RERE: variants seen among roughly 807,000 people sequenced by gnomAD.
RERE encodes the protein arginine-glutamic acid dipeptide repeats protein.
A neutral mutation model predicts 146.1 loss-of-function variants in RERE; 40 were observed. The ratio of observed to expected loss-of-function variants is 0.27; its 90% CI spans 0.21 to 0.36. RERE has a LOEUF of 0.36. RERE is among the 10% of genes least tolerant of loss of function. The probability of loss-of-function intolerance (pLI) is 1.00; values close to 1 mark genes in which losing one functional copy is unlikely to be tolerated. For synonymous variants in RERE, 1,003 were observed against 866.0 expected (o/e 1.16, Z -2.78); for missense variants, 1,933 against 2,138.7 (o/e 0.90, Z 1.90).
At chr1:8,578,863 T>C (rs562393917) in intron 4 of RERE, among the ~76,000 whole-genome samples, 50 of 152,220 alleles carry the variant, frequency 3.3e-4, no homozygotes, top group Non-Finnish European at 6.5e-4. Flanking sequence ...AAAGATCCTT[T>C]ATATGAAAAA....
chr1:8,522,732 G>A (rs1645517785), intron 7 of RERE, among the ~76,000 whole-genome samples: 1 of 152,116 alleles, frequency 6.6e-6, no homozygotes, highest in Non-Finnish European at 1.5e-5. Context: ...AATTAGCCAG[G>A]CATGGTGGCA....
Position 8,360,205 on chromosome 1 carries a change from G to A in RERE, c.3302C>T (p.Ala1101Val), listed in dbSNP as rs772738275. Residue 1101 changes from alanine to valine, a missense_variant, in exon 18 of 23, where the codon GCT becomes GTT. Coordinates refer to ENST00000400908, the MANE Select transcript of RERE (RefSeq NM_001042681.2). ...GGGAGGGGGGCTCTCAGGCTCCTCAGCGTCGTCCAGAGCCTCCTCCTTGAT... is the reference window on the plus strand; with the variant it reads ...GGGAGGGGGGCTCTCAGGCTCCTCAACGTCGTCCAGAGCCTCCTCCTTGAT... ...VQIKEEALDD[A>V]EEPESPPPPP... 1.1e-5 allele frequency: 18 copies of A among 1,592,968 alleles called. No individual in the cohort carries two copies. The highest frequency in any genetic ancestry group is 1.3e-5 in the Non-Finnish European group (15 of 1,170,734).
intron 1 of RERE, among the ~76,000 whole-genome samples, chr1:8,687,816 T>C (rs899012869): frequency 1.3e-5 from 2 of 152,236 alleles, no homozygotes; most frequent in African/African-American, 4.8e-5. Context: ...AGGGTTTTAA[T>C]GCCTTAAGCC....
chr1:8,408,811 C>T (rs919804548), intron 12 of RERE, among the ~76,000 whole-genome samples: 1 of 152,068 alleles, frequency 6.6e-6, no homozygotes, highest in African/African-American at 2.4e-5. Context: ...TGACTCCTGC[C>T]GTGAGTGCTG....
At chr1:8,402,858 G>T (rs1643311218) in intron 12 of RERE, among the ~76,000 whole-genome samples, 1 of 152,152 alleles carries the variant, frequency 6.6e-6, no homozygotes, top group South Asian at 2.1e-4. Context: ...TGCCTGGGGG[G>T]CGCTGGTGCT....
At chr1:8,581,893 GTACA>G (rs767469444) in intron 4 of RERE, among the ~76,000 whole-genome samples, 1 of 151,820 alleles carries the variant, frequency 6.6e-6, no homozygotes, top group Non-Finnish European at 1.5e-5. Context: ...GGTGTAATAG[GTACA>G]TAGAGATTTT....
chr1:8,603,771 A>G (rs867811551), intron 4 of RERE, among the ~76,000 whole-genome samples: 3 of 152,030 alleles, frequency 2.0e-5, no homozygotes, highest in African/African-American at 7.2e-5. Flanking sequence ...CGTAAGCAAC[A>G]TAAGGAGGAG....
At chr1:8,574,379 C>T (rs1259830584) in intron 4 of RERE, among the ~76,000 whole-genome samples, 1 of 124,692 alleles carries the variant, frequency 8.0e-6, no homozygotes, top group Non-Finnish European at 1.6e-5. Flanking sequence ...CAGTCTCGCT[C>T]TGTCGCCCAG....
At chr1:8,732,311 A>G (rs983677371) in intron 1 of RERE, among the ~76,000 whole-genome samples, 1 of 152,250 alleles carries the variant, frequency 6.6e-6, no homozygotes, top group South Asian at 2.1e-4. Context: ...TGAGCAATAA[A>G]AAGAAATGAG....
chr1:8,694,550 G>A (rs182023707), intron 1 of RERE, among the ~76,000 whole-genome samples: 2 of 152,194 alleles, frequency 1.3e-5, no homozygotes, highest in Admixed American at 1.3e-4. Flanking sequence ...CACAAGGTCA[G>A]GAATTCAAGA....
At chr1:8,597,825 C>T (rs1444894696) in intron 4 of RERE, among the ~76,000 whole-genome samples, 7 of 151,714 alleles carry the variant, frequency 4.6e-5, no homozygotes, top group African/African-American at 1.2e-4. Context: ...ACAGTTTTCC[C>T]GTCCATCTTC....
chr1:8,583,104 T>C (rs1324488481), intron 4 of RERE, among the ~76,000 whole-genome samples: 2 of 152,158 alleles, frequency 1.3e-5, no homozygotes, highest in Non-Finnish European at 1.5e-5. Context: ...TGGGTTAAGA[T>C]TTAAGAACTC....
chr1:8,361,842 C>T lies in RERE; in HGVS notation c.1937G>A (p.Ser646Asn), dbSNP rs746756596. The change falls in exon 17 of 23, where the codon AGT (serine) becomes AAT (asparagine). Residue 646 changes from serine (S) to asparagine (N), a missense_variant. Ser to Asn is a conservative substitution (Grantham distance 46). Coordinates refer to ENST00000400908, the MANE Select transcript of RERE (RefSeq NM_001042681.2). Reference protein sequence around the residue: ...VKEEASSPLKSNKRQREKVAS... With the variant: ...VKEEASSPLKNNKRQREKVAS... The stretch of plus-strand genomic sequence containing the variant: ...CACCTTCTCCCGCTGGCGTTTGTTA[C>T]TCTTAAGAGGGGAAGAGGCTTCCTC... 3.1e-6 allele frequency: 5 copies of T among 1,614,082 alleles called. No homozygotes were observed. In the South Asian group the frequency reaches 3.3e-5, roughly 11 times the overall value.
At chr1:8,667,492 A>G (rs1570585900) in intron 1 of RERE, among the ~76,000 whole-genome samples, 1 of 152,226 alleles carries the variant, frequency 6.6e-6, no homozygotes, top group Admixed American at 6.5e-5. Context: ...CCTGGCCCAC[A>G]TGGCGAAATC....
At chr1:8,650,590 C>T (rs925276624) in intron 2 of RERE, among the ~76,000 whole-genome samples, 1 of 151,966 alleles carries the variant, frequency 6.6e-6, no homozygotes, top group African/African-American at 2.4e-5. Context: ...TGGTAAAACC[C>T]TGTCTCTACA....
At chr1:8,713,169 A>G (rs558290445) in intron 1 of RERE, among the ~76,000 whole-genome samples, 1 of 152,234 alleles carries the variant, frequency 6.6e-6, no homozygotes, top group South Asian at 2.1e-4. Flanking sequence ...TAATTTATAA[A>G]GGCTAAGGAA....
rs199917642 is a variant in RERE, at chr1:8,448,704, CT to C, written c.1203+17220del. Among the ~76,000 whole-genome samples the C allele has an allele frequency of 4.4e-3, 670 of 152,258 alleles. 1 individual carries two copies. The highest frequency in any genetic ancestry group is 6.7e-3 in the Non-Finnish European group (455 of 68,024). On this transcript the variant is annotated intron_variant, in intron 11 of 22. Transcript: ENST00000400908. Reference sequence around the variant, plus strand: ...GCCTCCAGATGGCCCTGGCGCACATCTGTAATCCCAGCTACTTGGGAGGCTG... The same window carrying C: ...GCCTCCAGATGGCCCTGGCGCACATCGTAATCCCAGCTACTTGGGAGGCTG...
At chr1:8,465,785 T>C (rs1274826471) in intron 11 of RERE, 140 bp downstream of exon 11, 1 of 720,948 alleles carries the variant, frequency 1.4e-6, no homozygotes, top group African/African-American at 1.7e-5. Flanking sequence ...AAGGGCCCCA[T>C]CCTCCTGCCT....
chr1:8,469,047 T>G (rs1031982418), intron 10 of RERE, among the ~76,000 whole-genome samples: 7 of 152,212 alleles, frequency 4.6e-5, no homozygotes, highest in African/African-American at 1.7e-4. Context: ...TTTTTGTGCC[T>G]TAATTTTGAC....
Sources: gnomAD v4.1 joint callset for allele counts (sites outside exome capture counted in the v4.1 genomes callset) on GRCh38, gnomAD v4.1.1 for gene constraint, MANE v1.5 for transcripts, NCBI Gene and HGNC (gene_info 2026-07-23, HGNC 2026-07-21) for gene names.